TP53BP2: variants seen among roughly 807,000 people sequenced by gnomAD.
TP53BP2 encodes the protein tumor protein p53 binding protein 2.
A neutral mutation model predicts 126.2 loss-of-function variants in TP53BP2; 62 were observed. The ratio of observed to expected loss-of-function variants is 0.49; its 90% CI spans 0.40 to 0.61. TP53BP2 has a LOEUF of 0.61. TP53BP2 is among the 20% of genes least tolerant of loss of function. The pLI is 0.00. For synonymous variants in TP53BP2, 485 were observed against 502.9 expected (o/e 0.96, Z 0.48); for missense variants, 1,215 against 1,402.8 (o/e 0.87, Z 2.14).
At chr1:223,790,133 G>A (rs1662103264) in intron 15 of TP53BP2, among the ~76,000 whole-genome samples, 1 of 151,944 alleles carries the variant, frequency 6.6e-6, no homozygotes, top group Non-Finnish European at 1.5e-5. Flanking sequence ...TTAGCCGGGT[G>A]TGTAATCCCA....
At chr1:223,794,950 A>G (rs903888413) in intron 13 of TP53BP2, among the ~76,000 whole-genome samples, 1 of 152,266 alleles carries the variant, frequency 6.6e-6, no homozygotes, top group Non-Finnish European at 1.5e-5. Context: ...TTTTAATGCT[A>G]TTTTGCTTTT....
At chr1:223,806,769 AGCCAAGATCGT>A (rs1227016481) in intron 5 of TP53BP2, 66 bp downstream of exon 5, 1 of 1,138,704 alleles carries the variant, frequency 8.8e-7, no homozygotes, top group Non-Finnish European at 1.3e-6. Context: ...GGTTGCAGTG[AGCCAAGATCGT>A]GCCACTGCAC....
intron 1 of TP53BP2, among the ~76,000 whole-genome samples, chr1:223,841,089 A>G (rs1236789350): frequency 2.0e-5 from 3 of 152,040 alleles, no homozygotes; most frequent in South Asian, 2.1e-4. Context: ...TGTCTCTACT[A>G]AAAAATACAA....
rs979416473 is a variant in TP53BP2 at position 223,802,861 on chromosome 1, T to C, written c.866A>G (p.Lys289Arg). ...CAAACACTCCCTCTGTTGTTGTAGCTTGGCATTCTGCTCTTGATTCAATTT... is the reference window on the plus strand; with the variant it reads ...CAAACACTCCCTCTGTTGTTGTAGCCTGGCATTCTGCTCTTGATTCAATTT... ...RNKLNQEQNA[K>R]LQQQRECLNK... Residue 289 changes from lysine (K) to arginine (R), a missense_variant, in exon 8 of 18, where the codon AAG (lysine) becomes AGG (arginine). Physicochemically the swap from Lys to Arg is conservative, Grantham distance 26. Transcript: ENST00000343537. The C allele has an allele frequency of 5.0e-6, 8 of 1,614,194 alleles. No homozygotes were observed. The highest frequency in any genetic ancestry group is 4.0e-5 in the African/African-American group (3 of 75,052).
At position 223,842,948 on chromosome 1, in the gene TP53BP2, T is replaced by G. The variant is rs1175890838; in HGVS notation, c.27+2706A>C. ...GGAAATATCATAGAACTAGAGATAC[T>G]AACAATGGCAGGTATCTGAAAGTGA... On this transcript the variant is annotated intron_variant, in intron 1 of 17. Coordinates refer to ENST00000343537, the MANE Select transcript of TP53BP2 (RefSeq NM_001031685.3). Among the ~76,000 whole-genome samples the G allele has an allele frequency of 2.6e-5, 4 of 152,216 alleles. 1 individual carries two copies. Among genetic ancestry groups the G allele is most frequent in the Non-Finnish European group, 1.5e-5 (1 of 68,020 alleles).
intron 1 of TP53BP2, among the ~76,000 whole-genome samples, chr1:223,826,859 C>T (rs1663514016): frequency 6.6e-6 from 1 of 152,134 alleles, no homozygotes; most frequent in South Asian, 2.1e-4. Context: ...GTAGCACAGA[C>T]TGCAAATTAA....
intron 1 of TP53BP2, among the ~76,000 whole-genome samples, chr1:223,840,845 C>A (rs1664079150): frequency 6.6e-6 from 1 of 152,152 alleles, no homozygotes; most frequent in African/African-American, 2.4e-5. Flanking sequence ...GTGTAAATTT[C>A]TTTTAAAAAG....
chr1:223,794,186 A>T (rs1056661792), intron 13 of TP53BP2, among the ~76,000 whole-genome samples: 7 of 152,234 alleles, frequency 4.6e-5, no homozygotes, highest in African/African-American at 1.7e-4. Context: ...TTTAAAGACT[A>T]GATCCAGTAT....
intron 1 of TP53BP2, among the ~76,000 whole-genome samples, chr1:223,822,660 CAAA>C (rs397968382): frequency 4.4e-5 from 5 of 114,754 alleles, no homozygotes; most frequent in South Asian, 2.9e-4. Context: ...GACCCTGACT[CAAA>C]AAAAAAAAAA....
At chr1:223,834,511 G>A (rs2102886955) in intron 1 of TP53BP2, among the ~76,000 whole-genome samples, 1 of 152,210 alleles carries the variant, frequency 6.6e-6, no homozygotes, top group South Asian at 2.1e-4. Context: ...AATACCAGTA[G>A]TTAACCCAAC....
intron 1 of TP53BP2, among the ~76,000 whole-genome samples, chr1:223,831,480 A>AAAAT (rs1287271743): frequency 3.7e-4 from 12 of 32,458 alleles, no homozygotes; most frequent in East Asian, 2.1e-3. Context: ...AAAAAAAAAA[A>AAAAT]ATATATATAT....
intron 1 of TP53BP2, among the ~76,000 whole-genome samples, chr1:223,822,544 C>T (rs1663348651): frequency 6.6e-6 from 1 of 151,940 alleles, no homozygotes; most frequent in Non-Finnish European, 1.5e-5. Flanking sequence ...TGGCACATGC[C>T]TGTGGTCCCT....
intron 1 of TP53BP2, 60 bp from the exon 2 acceptor site, chr1:223,821,427 C>T: frequency 6.2e-7 from 1 of 1,602,592 alleles, no homozygotes. Context: ...TGGTATTCAC[C>T]TTAAATTCCT....
intron 1 of TP53BP2, chr1:223,821,586 A>G: frequency 2.8e-6 from 2 of 703,170 alleles, no homozygotes; most frequent in South Asian, 1.4e-5. Context: ...ACCCTTGGTG[A>G]CCCTAGAATA....
chr1:223,821,419 G>T, intron 1 of TP53BP2, 52 bp from the exon 2 acceptor site: 2 of 1,607,624 alleles, frequency 1.2e-6, no homozygotes, highest in Non-Finnish European at 1.7e-6. Flanking sequence ...GCCTAATGTG[G>T]TATTCACCTT....
At chr1:223,788,649 T>C (rs1306310465) in intron 16 of TP53BP2, among the ~76,000 whole-genome samples, 1 of 152,224 alleles carries the variant, frequency 6.6e-6, no homozygotes, top group Admixed American at 6.5e-5. Flanking sequence ...GATCCTTCAC[T>C]TCTCTTGATC....
At chr1:223,834,887 T>C (rs1236441250) in intron 1 of TP53BP2, 1 of 984,910 alleles carries the variant, frequency 1.0e-6, no homozygotes, top group Admixed American at 6.1e-5. Flanking sequence ...CACACTGTAG[T>C]TGTCTGTATC....
intron 1 of TP53BP2, among the ~76,000 whole-genome samples, chr1:223,836,548 T>C (rs911763973): frequency 6.6e-6 from 1 of 152,180 alleles, no homozygotes; most frequent in African/African-American, 2.4e-5. Flanking sequence ...TCTATCTCAC[T>C]AAAGAGTTTA....
intron 1 of TP53BP2, among the ~76,000 whole-genome samples, chr1:223,833,048 T>A (rs564750281): frequency 6.1e-4 from 93 of 152,310 alleles, no homozygotes; most frequent in African/African-American, 2.2e-3. Flanking sequence ...TTATTAAAGT[T>A]ATCAGAGAAT....
Sources: gnomAD v4.1 joint callset for allele counts (sites outside exome capture counted in the v4.1 genomes callset) on GRCh38, gnomAD v4.1.1 for gene constraint, MANE v1.5 for transcripts, NCBI Gene and HGNC (gene_info 2026-07-23, HGNC 2026-07-21) for gene names.